COL19A1: variants seen among roughly 807,000 people sequenced by gnomAD.
COL19A1 encodes the protein collagen type XIX alpha 1 chain, also known as collagen alpha-1(XIX) chain.
In COL19A1, 159 loss-of-function variants were observed where a neutral mutation model predicts 190.2. That is an observed-to-expected ratio of 0.84 (90% CI 0.73 to 0.95). The LOEUF (loss-of-function observed/expected upper bound fraction) is 0.95, where lower values mean the gene tolerates loss of function less well. Ranked by LOEUF, COL19A1 falls within the 40% of genes least tolerant of loss-of-function variation. The pLI, the probability that COL19A1 is intolerant of heterozygous loss-of-function variation, is 0.00. For missense variants in COL19A1, 1,418 were observed against 1,431.9 expected (o/e 0.99, Z 0.16); for synonymous variants, 509 against 458.9 (o/e 1.11, Z -1.39).
intron 48 of COL19A1, among the ~76,000 whole-genome samples, chr6:70,191,775 G>T (rs1483402294): frequency 1.3e-5 from 2 of 152,118 alleles, no homozygotes; most frequent in African/African-American, 2.4e-5. Context: ...TACTTCCTTT[G>T]CTTAGCATCC....
chr6:70,168,546 A>G (rs1204523491), intron 39 of COL19A1, 109 bp from the exon 40 acceptor site: 1 of 935,332 alleles, frequency 1.1e-6, no homozygotes, highest in Non-Finnish European at 1.6e-6. Context: ...TTAAAGCAAA[A>G]CTTGCTAATA....
intron 15 of COL19A1, among the ~76,000 whole-genome samples, chr6:70,076,665 A>G (rs893794770): frequency 2.0e-5 from 3 of 152,198 alleles, no homozygotes; most frequent in Non-Finnish European, 4.4e-5. Context: ...GTCTAAATTT[A>G]TCTGTTTTAT....
In COL19A1 at chr6:70,111,377, C is replaced by A. The variant is rs577315014; in HGVS notation, c.1278+9155C>A. On this transcript the variant is annotated intron_variant, in intron 16 of 50. Transcript: ENST00000620364. ...ACCTAAAACATGGAAGAAAAGTTGG[C>A]AGAAAATAAGATTTGAAGGGTCTTC... Among the ~76,000 whole-genome samples, 5 of 152,096 alleles carry A rather than the reference C, an allele frequency of 3.3e-5. No individual in the cohort carries two copies. The South Asian group carries it at 6.2e-4, about 19-fold the overall frequency.
At chr6:70,090,551 C>T (rs1782853567) in intron 15 of COL19A1, among the ~76,000 whole-genome samples, 1 of 143,720 alleles carries the variant, frequency 7.0e-6, no homozygotes, top group Non-Finnish European at 1.5e-5. Context: ...CCACAGATAC[C>T]AAGAGATGAC....
At chr6:70,016,230 G>T (rs1443039754) in intron 11 of COL19A1, among the ~76,000 whole-genome samples, 2 of 32,056 alleles carry the variant, frequency 6.2e-5, no homozygotes, top group East Asian at 1.2e-3. Context: ...GTCGGGGGAG[G>T]GGGGAGGGAT....
intron 2 of COL19A1, chr6:69,891,005 C>T: frequency 3.0e-6 from 1 of 336,736 alleles, no homozygotes; most frequent in Non-Finnish European, 6.1e-6. Flanking sequence ...TCTAAGGGTT[C>T]CTAGCAGAAG....
At chr6:70,153,962 C>T (rs1418202237) in intron 31 of COL19A1, among the ~76,000 whole-genome samples, 1 of 152,030 alleles carries the variant, frequency 6.6e-6, no homozygotes, top group Non-Finnish European at 1.5e-5. Context: ...TTTCACCCAG[C>T]ATTTTTTTTA....
At chr6:69,880,802 A>G (rs2149945477) in intron 2 of COL19A1, among the ~76,000 whole-genome samples, 1 of 152,310 alleles carries the variant, frequency 6.6e-6, no homozygotes, top group South Asian at 2.1e-4. Flanking sequence ...GGCAACTACA[A>G]CTATGTAAAA....
At position 69,885,904 on chromosome 6, in the gene COL19A1, T is replaced by G. The variant is rs1768894923; in HGVS notation, c.91+6246T>G. ...CCCAGAAGCGATCATGGGGGAATAG[T>G]TCCCCAACATTGACCTTGGCAATCA... On this transcript the variant is annotated intron_variant, in intron 2 of 50. Coordinates refer to ENST00000620364, the MANE Select transcript of COL19A1 (RefSeq NM_001858.6). Among the ~76,000 whole-genome samples the G allele has an allele frequency of 2.0e-5, 3 of 152,200 alleles. No individual in the cohort carries two copies. In the South Asian group the frequency reaches 6.2e-4, roughly 31 times the overall value.
chr6:69,992,938 T>TA (rs1331804498), intron 11 of COL19A1, among the ~76,000 whole-genome samples: 1 of 151,958 alleles, frequency 6.6e-6, no homozygotes, highest in East Asian at 1.9e-4. Flanking sequence ...TATTTGGATG[T>TA]ATTTTATTTC....
chr6:69,915,650 AT>A (rs1259044753), intron 4 of COL19A1, among the ~76,000 whole-genome samples: 1 of 152,210 alleles, frequency 6.6e-6, no homozygotes, highest in African/African-American at 2.4e-5. Context: ...ATAATGTAGG[AT>A]TGGTGCAAAA....
intron 14 of COL19A1, among the ~76,000 whole-genome samples, chr6:70,036,777 C>G (rs1271787423): frequency 6.6e-6 from 1 of 152,004 alleles, no homozygotes; most frequent in Non-Finnish European, 1.5e-5. Context: ...AAGACCTATT[C>G]TGATTATAGA....
chr6:69,996,239 A>T (rs934563958), intron 11 of COL19A1, among the ~76,000 whole-genome samples: 5 of 152,192 alleles, frequency 3.3e-5, no homozygotes, highest in African/African-American at 9.7e-5. Context: ...GGATAATAAT[A>T]GAAAAAGACA....
At chr6:70,031,460 C>A (rs530034414) in intron 12 of COL19A1, among the ~76,000 whole-genome samples, 4 of 152,112 alleles carry the variant, frequency 2.6e-5, no homozygotes, top group Non-Finnish European at 5.9e-5. Context: ...CTCCCTTGCC[C>A]CCTCACTCAC....
intron 11 of COL19A1, among the ~76,000 whole-genome samples, chr6:69,998,246 T>C (rs1158521872): frequency 6.6e-6 from 1 of 152,212 alleles, no homozygotes; most frequent in East Asian, 1.9e-4. Context: ...AAATACATTA[T>C]AACAGACAAT....
intron 12 of COL19A1, among the ~76,000 whole-genome samples, chr6:70,034,016 T>C (rs1173420066): frequency 6.6e-6 from 1 of 152,144 alleles, no homozygotes; most frequent in Admixed American, 6.6e-5. Flanking sequence ...GGAAGCAAAG[T>C]TGCACAAATA....
chr6:70,068,776 T>A (rs773257991), intron 15 of COL19A1, among the ~76,000 whole-genome samples: 1 of 152,106 alleles, frequency 6.6e-6, no homozygotes, highest in Non-Finnish European at 1.5e-5. Context: ...TTGATGAGTA[T>A]CTTTGTGGAG....
intron 9 of COL19A1, among the ~76,000 whole-genome samples, chr6:69,941,956 C>T (rs189160906): frequency 2.0e-5 from 3 of 152,268 alleles, no homozygotes; most frequent in East Asian, 3.9e-4. Context: ...TCCCAAAGGG[C>T]TAGGATTACA....
At chr6:69,876,861 C>T (rs1447489026) in intron 1 of COL19A1, among the ~76,000 whole-genome samples, 2 of 152,136 alleles carry the variant, frequency 1.3e-5, no homozygotes, top group Non-Finnish European at 2.9e-5. Context: ...AGGATTAGGA[C>T]TATATCTAGA....
Sources: allele counts gnomAD v4.1 joint callset (sites outside exome capture counted in the v4.1 genomes callset), GRCh38; gene constraint gnomAD v4.1.1; transcripts MANE v1.5; gene names NCBI Gene and HGNC (gene_info 2026-07-23, HGNC 2026-07-21).